The following GOLGA7B variants were observed in gnomAD, a reference collection of about 807,000 sequenced individuals.
The protein encoded by GOLGA7B is golgin A7 family member B.
Under a neutral mutation model 21.5 loss-of-function variants are expected in GOLGA7B, and 17 were observed. That is an observed-to-expected ratio of 0.79 (90% CI 0.54 to 1.19). The LOEUF is 1.19. Among genes scored for constraint, GOLGA7B ranks in the 50% most tolerant of loss-of-function variants. GOLGA7B has a pLI of 0.00. For synonymous variants in GOLGA7B, 87 were observed against 84.0 expected, an observed-to-expected ratio of 1.04 and a Z score of -0.19; for missense variants, 169 against 224.4, an observed-to-expected ratio of 0.75 and a Z score of 1.58.
chr10:97,850,826 C>G (rs2049901015), intron 1 of GOLGA7B, among the ~76,000 whole-genome samples: 1 of 151,818 alleles, frequency 6.6e-6, no homozygotes, highest in African/African-American at 2.4e-5. Flanking sequence ...TCCACTTTTG[C>G]ATATCACCCT....
At chr10:97,861,583 G>A (rs1189373229) in intron 2 of GOLGA7B, among the ~76,000 whole-genome samples, 2 of 152,264 alleles carry the variant, frequency 1.3e-5, no homozygotes, top group Non-Finnish European at 2.9e-5. Context: ...CAGCTGCTGA[G>A]TTTTGCTTCT....
intron 1 of GOLGA7B, among the ~76,000 whole-genome samples, chr10:97,855,114 G>C (rs969592236): frequency 6.6e-6 from 1 of 152,110 alleles, no homozygotes; most frequent in African/African-American, 2.4e-5. Context: ...AAATGGCTTG[G>C]GTCAGTAGCT....
At chr10:97,863,891 G>C in intron 2 of GOLGA7B, 39 bp from the exon 3 acceptor site, 4 of 1,585,746 alleles carry the variant, frequency 2.5e-6, no homozygotes, top group Non-Finnish European at 3.4e-6. Context: ...GCACACTCCA[G>C]GGAGGCTAAC....
At chr10:97,858,068 CTAT>C (rs1328943608) in intron 1 of GOLGA7B, among the ~76,000 whole-genome samples, 2 of 152,202 alleles carry the variant, frequency 1.3e-5, no homozygotes, top group African/African-American at 2.4e-5. Flanking sequence ...ACCATGTGCT[CTAT>C]CTTTGTCACT....
chr10:97,856,150 G>A (rs1345016082), intron 1 of GOLGA7B, among the ~76,000 whole-genome samples: 1 of 152,140 alleles, frequency 6.6e-6, no homozygotes, highest in African/African-American at 2.4e-5. Flanking sequence ...GCATATTGGT[G>A]GAGATTGGGC....
rs2050066034 is a variant in GOLGA7B at position 97,869,400 on chromosome 10, C to T, written c.*3700C>T. On this transcript the variant is annotated 3_prime_UTR_variant, in exon 5 of 5. Transcript: ENST00000370602. ...GGCTGTAGCCATGTCCCTGCACCCACCTTGCCAGCCAGGGACAGGCCCCAT... is the reference window on the plus strand; with the variant it reads ...GGCTGTAGCCATGTCCCTGCACCCATCTTGCCAGCCAGGGACAGGCCCCAT... 6.6e-6 allele frequency: 1 copy of T among 152,434 alleles called. No individual in the cohort carries two copies. The highest frequency in any genetic ancestry group is 2.4e-5 in the African/African-American group (1 of 41,466). The allele number at this position is 152,434 out of a possible 1,614,324, so 9.4% of individuals were successfully genotyped here.
At position 97,850,307 on chromosome 10, in the gene GOLGA7B, G is replaced by T; in HGVS notation, c.4G>T (p.Ala2Ser). 6.6e-7 allele frequency: 1 copy of T among 1,518,488 alleles called. No homozygotes were observed. The highest frequency in any genetic ancestry group is 8.8e-7 in the Non-Finnish European group (1 of 1,135,528). 94.1% of individuals were successfully genotyped at this position (1,518,488 alleles called of 1,614,324 possible). Residue 2 changes from alanine (A) to serine (S), a missense_variant, in exon 1 of 5, where the codon GCC becomes TCC. Transcript: ENST00000370602. Reference protein sequence around the residue: MATEVHNLQELR... With the variant: MSTEVHNLQELR... ...AGCCTCCGAGCGCCCCCGGATCATG[G>T]CCACCGAGGTAGGGGCGAGCGCCCC...
At chr10:97,864,147 G>C (rs767790656) in intron 3 of GOLGA7B, 21 bp from the exon 4 acceptor site, 4 of 1,614,154 alleles carry the variant, frequency 2.5e-6, no homozygotes, top group Non-Finnish European at 3.4e-6. Context: ...GCTCATCCTT[G>C]TCTGGCTCCT....
At chr10:97,859,836 G>A (rs1474645258) in intron 2 of GOLGA7B, among the ~76,000 whole-genome samples, 1 of 152,212 alleles carries the variant, frequency 6.6e-6, no homozygotes, top group African/African-American at 2.4e-5. Flanking sequence ...AGTTTCAGTT[G>A]CCTAAAAATG....
Position 97,868,681 on chromosome 10 carries a change from T to G in GOLGA7B, c.*2981T>G, listed in dbSNP as rs1052535277. The G allele has an allele frequency of 2.1e-4, 32 of 152,206 alleles. No individual in the cohort carries two copies. Among genetic ancestry groups the G allele is most frequent in the African/African-American group, 7.7e-4 (32 of 41,466 alleles). The allele number at this position is 152,206 out of a possible 1,614,324, so 9.4% of individuals were successfully genotyped here. A position where few individuals can be genotyped will look rare whatever the true frequency, so the allele number is the denominator to read the frequency against. On this transcript the variant is annotated 3_prime_UTR_variant, in exon 5 of 5. Coordinates refer to ENST00000370602, the MANE Select transcript of GOLGA7B (RefSeq NM_001010917.3). ...CTCTAATATGAGGGCAGGTTCATTC[T>G]GTTTTGGGATAGGAAGTTTGTTCTA...
At chr10:97,850,753 C>T (rs2049900610) in intron 1 of GOLGA7B, among the ~76,000 whole-genome samples, 1 of 152,182 alleles carries the variant, frequency 6.6e-6, no homozygotes, top group Non-Finnish European at 1.5e-5. Context: ...TCTACATCCG[C>T]ATTTCCTTTG....
intron 1 of GOLGA7B, among the ~76,000 whole-genome samples, chr10:97,856,325 T>C (rs1409378341): frequency 2.0e-5 from 3 of 152,246 alleles, no homozygotes; most frequent in Admixed American, 2.0e-4. Context: ...AAGTGTGTTT[T>C]GTGGTATTTG....
chr10:97,851,153 C>A (rs2049903368), intron 1 of GOLGA7B, among the ~76,000 whole-genome samples: 1 of 152,166 alleles, frequency 6.6e-6, no homozygotes, highest in Non-Finnish European at 1.5e-5. Flanking sequence ...GACTAATTTG[C>A]TACTCCACAC....
intron 3 of GOLGA7B, 42 bp from the exon 4 acceptor site, chr10:97,864,126 C>T: frequency 1.2e-6 from 2 of 1,613,922 alleles, no homozygotes; most frequent in South Asian, 1.1e-5. Flanking sequence ...CTCAGGGCTG[C>T]CCTGTGGCAT....
chr10:97,859,711 C>T, intron 2 of GOLGA7B, 128 bp downstream of exon 2: 1 of 899,738 alleles, frequency 1.1e-6, no homozygotes, highest in Non-Finnish European at 1.6e-6. Flanking sequence ...TTGGCCACTT[C>T]AAAAGGATGA....
intron 1 of GOLGA7B, among the ~76,000 whole-genome samples, chr10:97,850,882 AGGG>A (rs2049901667): frequency 7.6e-6 from 1 of 131,680 alleles, no homozygotes; most frequent in Non-Finnish European, 1.6e-5. Context: ...TTTTTGTCCC[AGGG>A]TGTCCAGATT....
At chr10:97,864,128 C>G (rs948745764) in intron 3 of GOLGA7B, 40 bp from the exon 4 acceptor site, 1 of 1,613,864 alleles carries the variant, frequency 6.2e-7, no homozygotes, top group African/African-American at 1.3e-5. Flanking sequence ...CAGGGCTGCC[C>G]TGTGGCATGC....
At position 97,851,297 on chromosome 10, in the gene GOLGA7B, C is replaced by A. The variant is rs986731541; in HGVS notation, c.12+982C>A. Among the ~76,000 whole-genome samples the A allele has an allele frequency of 3.3e-5, 5 of 152,126 alleles. No homozygotes were observed. The East Asian group carries it at 9.6e-4, about 29-fold the overall frequency. On this transcript the variant is annotated intron_variant, in intron 1 of 4. Coordinates refer to ENST00000370602, the MANE Select transcript of GOLGA7B (RefSeq NM_001010917.3). ...CCATTTCCAATCCAGCTGGCATACA[C>A]TGGGGGAGAGCAGAGGCCTGTGAAT...
intron 2 of GOLGA7B, among the ~76,000 whole-genome samples, chr10:97,860,368 C>CT (rs58130896): frequency 0.07 from 10,535 of 150,240 alleles, 523 homozygotes; most frequent in African/African-American, 0.13. Context: ...AATACTAGGT[C>CT]TTTTTTTTTT....
Sources: allele counts gnomAD v4.1 joint callset (sites outside exome capture counted in the v4.1 genomes callset), GRCh38; gene constraint gnomAD v4.1.1; transcripts MANE v1.5; gene names NCBI Gene and HGNC (gene_info 2026-07-23, HGNC 2026-07-21).